Variants in BAIAP2 observed in about 807,000 individuals in gnomAD.
The protein encoded by BAIAP2 is BAR/IMD domain containing adaptor protein 2, also known as BAR/IMD domain-containing adapter protein 2.
BAIAP2 carries 18 observed loss-of-function variants against 63.0 expected under a neutral mutation model. The observed-to-expected ratio is 0.29, with a 90% confidence interval of 0.20 to 0.42. The LOEUF (loss-of-function observed/expected upper bound fraction) is 0.42. BAIAP2 is among the 10% of genes least tolerant of loss of function. The pLI, the probability that BAIAP2 is intolerant of heterozygous loss-of-function variation, is 1.00. For synonymous variants in BAIAP2, 386 were observed against 307.6 expected (o/e 1.25, Z -2.67); for missense variants, 610 against 734.3 (o/e 0.83, Z 1.96).
chr17:81,047,865 G>A (rs909340417), intron 1 of BAIAP2, among the ~76,000 whole-genome samples: 6 of 152,254 alleles, frequency 3.9e-5, no homozygotes, highest in African/African-American at 1.2e-4. Flanking sequence ...AACGCATGCA[G>A]CACATGGCCG....
rs780498773 is a variant in BAIAP2, at chr17:81,103,678, G to A, written c.819G>A (p.Gly273=). Residue 273 remains glycine (G), a synonymous_variant, in exon 8 of 14, where the codon GGG becomes GGA. Coordinates refer to ENST00000428708, the MANE Select transcript of BAIAP2 (RefSeq NM_001144888.2). ...TGGTCATTTCCGACCCCATTCCGGG[G>A]GCCAAGCCCCTGCCGGTGCCCCCCG... ...SNLVISDPIP[G]AKPLPVPPEL... The A allele has an allele frequency of 6.3e-7, 1 of 1,596,116 alleles. No homozygotes were observed. The highest frequency in any genetic ancestry group is 2.2e-5 in the East Asian group (1 of 44,520).
At position 81,035,313 on chromosome 17, in the gene BAIAP2, G is replaced by C. The variant is rs771468744; in HGVS notation, c.54+5G>C. The C allele has an allele frequency of 2.1e-6, 3 of 1,435,134 alleles. No individual in the cohort carries two copies. The East Asian group carries it at 9.5e-5, about 46-fold the overall frequency. The allele number at this position is 1,435,134 out of a possible 1,614,324, so 88.9% of individuals were successfully genotyped here. Reference sequence around the variant, plus strand: ...CTCACGGAAAATGTCTATAAGGTGAGCGCCCCCCGGCGCCGAGCTGAGCCC... The same window carrying C: ...CTCACGGAAAATGTCTATAAGGTGACCGCCCCCCGGCGCCGAGCTGAGCCC... On this transcript the variant is annotated splice_donor_5th_base_variant and intron_variant, in intron 1 of 13. Coordinates refer to ENST00000428708, the MANE Select transcript of BAIAP2 (RefSeq NM_001144888.2).
At chr17:81,064,507 G>T (rs930848346) in intron 3 of BAIAP2, among the ~76,000 whole-genome samples, 1 of 152,266 alleles carries the variant, frequency 6.6e-6, no homozygotes, top group Admixed American at 6.5e-5. Flanking sequence ...CTCCAAGTGA[G>T]CCCCAGGTCT....
At chr17:81,095,867 G>C (rs546666490) in intron 6 of BAIAP2, among the ~76,000 whole-genome samples, 61 of 152,206 alleles carry the variant, frequency 4.0e-4, no homozygotes, top group African/African-American at 1.4e-3. Context: ...CTCTCTTCCC[G>C]GCCAGGGAGG....
chr17:81,072,184 C>G (rs1452921367), intron 3 of BAIAP2, among the ~76,000 whole-genome samples: 3 of 152,234 alleles, frequency 2.0e-5, no homozygotes, highest in Non-Finnish European at 4.4e-5. Flanking sequence ...TTCCACCTGC[C>G]CAAGGGCTGC....
intron 3 of BAIAP2, among the ~76,000 whole-genome samples, chr17:81,064,095 G>T (rs1458106552): frequency 6.6e-6 from 1 of 152,244 alleles, no homozygotes; most frequent in Non-Finnish European, 1.5e-5. Context: ...TGGCCATATG[G>T]GGCCAGGGTT....
At chr17:81,102,734 G>C (rs1372166143) in intron 7 of BAIAP2, among the ~76,000 whole-genome samples, 2 of 152,226 alleles carry the variant, frequency 1.3e-5, no homozygotes, top group East Asian at 3.9e-4. Flanking sequence ...GGGATGAGTT[G>C]GGGGGAGCAG....
At chr17:81,035,440 T>G in intron 1 of BAIAP2, 132 bp downstream of exon 1, 3 of 399,268 alleles carry the variant, frequency 7.5e-6, no homozygotes, top group South Asian at 9.9e-5. Context: ...TTTGGGGGTC[T>G]TCCCGGCGCG....
chr17:81,085,463 C>G (rs1490741000), intron 4 of BAIAP2, 191 bp from the exon 5 acceptor site: 1 of 698,602 alleles, frequency 1.4e-6, no homozygotes, highest in African/African-American at 1.7e-5. Context: ...TCCTGTTCAG[C>G]ACTCGCTCCT....
At chr17:81,067,492 G>A (rs1211709809) in intron 3 of BAIAP2, among the ~76,000 whole-genome samples, 2 of 152,252 alleles carry the variant, frequency 1.3e-5, no homozygotes, top group Non-Finnish European at 2.9e-5. Flanking sequence ...TGCAGGCTGA[G>A]CTCTGCAGGG....
chr17:81,068,460 C>T (rs1321031531), intron 3 of BAIAP2, among the ~76,000 whole-genome samples: 3 of 152,216 alleles, frequency 2.0e-5, no homozygotes, highest in Non-Finnish European at 2.9e-5. Context: ...ATCCGGGTCA[C>T]GGGTGTTCTT....
chr17:81,109,068 C>T, intron 13 of BAIAP2: 2 of 1,504,864 alleles, frequency 1.3e-6, no homozygotes, highest in Non-Finnish European at 1.8e-6. Flanking sequence ...GTCCGTTTTC[C>T]TCCTCAGCTC....
chr17:81,103,545 C>T lies in BAIAP2; in HGVS notation c.686C>T (p.Ala229Val). 2 of 1,596,424 alleles carry T rather than the reference C, an allele frequency of 1.3e-6. No individual in the cohort carries two copies. Among genetic ancestry groups the T allele is most frequent in the Non-Finnish European group, 1.7e-6 (2 of 1,177,326 alleles). The change falls in exon 8 of 14, where the codon GCC (alanine) becomes GTC (valine). Residue 229 changes from alanine (A) to valine (V), a missense_variant. Ala to Val is a moderately conservative substitution (Grantham distance 64). This residue lies in a region of BAIAP2 where 389 missense variants were observed against 455.6 expected (regional missense o/e 0.85). Transcript: ENST00000428708. ...LAQKLPLWQQ[A>V]CADPSKIPER... is the part of the protein sequence containing the mutation. ...CAGAAGCTGCCGCTGTGGCAACAGG[C>T]CTGTGCCGACCCCAGCAAGATCCCG... is the stretch of plus-strand genomic sequence containing the variant.
chr17:81,070,435 G>A (rs1598623770), intron 3 of BAIAP2, among the ~76,000 whole-genome samples: 1 of 152,228 alleles, frequency 6.6e-6, no homozygotes, highest in Non-Finnish European at 1.5e-5. Context: ...AGGTGGAAAT[G>A]TGGAAAGAAA....
chr17:81,082,215 C>T (rs935325666), intron 3 of BAIAP2, among the ~76,000 whole-genome samples: 1 of 152,150 alleles, frequency 6.6e-6, no homozygotes, highest in African/African-American at 2.4e-5. Flanking sequence ...GCACACACAG[C>T]CACACACACA....
chr17:81,110,389 A>T, intron 13 of BAIAP2: 1 of 987,540 alleles, frequency 1.0e-6, no homozygotes, highest in Non-Finnish European at 1.2e-6. Context: ...CAAAACAGCA[A>T]CACTTGTATG....
At position 81,116,276 on chromosome 17, in the gene BAIAP2, G is replaced by C; in HGVS notation, c.*437G>C. 3.1e-6 allele frequency: 5 copies of C among 1,612,908 alleles called. No individual in the cohort carries two copies. Among genetic ancestry groups the C allele is most frequent in the Non-Finnish European group, 4.2e-6 (5 of 1,179,948 alleles). ...GCCAGAAGGCCGGGAGCACGGGGAT[G>C]GGAGCGCCCGCACCCTGGCTGGAAG... On this transcript the variant is annotated 3_prime_UTR_variant, in exon 14 of 14. Transcript: ENST00000428708.
At chr17:81,067,368 C>T (rs2051679168) in intron 3 of BAIAP2, among the ~76,000 whole-genome samples, 1 of 152,252 alleles carries the variant, frequency 6.6e-6, no homozygotes, top group South Asian at 2.1e-4. Flanking sequence ...CCTCCAGCAC[C>T]TGAGCAGGGG....
chr17:81,048,837 G>A (rs2048225770), intron 1 of BAIAP2, among the ~76,000 whole-genome samples: 1 of 152,206 alleles, frequency 6.6e-6, no homozygotes, highest in African/African-American at 2.4e-5. Flanking sequence ...GGACGTCCCA[G>A]CAGGAGGGCA....
Sources: allele counts gnomAD v4.1 joint callset (sites outside exome capture counted in the v4.1 genomes callset), GRCh38; gene constraint gnomAD v4.1.1; regional missense constraint gnomAD v4.1.1; transcripts MANE v1.5; gene names NCBI Gene and HGNC (gene_info 2026-07-23, HGNC 2026-07-21).